GABRG3: variants seen among roughly 807,000 people sequenced by gnomAD.
The protein encoded by GABRG3 is gamma-aminobutyric acid type A receptor subunit gamma3, also known as gamma-aminobutyric acid receptor subunit gamma-3.
In GABRG3, 25 loss-of-function variants were observed where a neutral mutation model predicts 48.8. The observed-to-expected ratio is 0.51, with a 90% CI of 0.37 to 0.72. The LOEUF is 0.72. GABRG3 is among the 30% of genes least tolerant of loss of function. The pLI is 0.00. For missense variants in GABRG3, 394 were observed against 577.9 expected (o/e 0.68, Z 3.26); for synonymous variants, 227 against 217.6 (o/e 1.04, Z -0.38).
intron 2 of GABRG3, among the ~76,000 whole-genome samples, chr15:27,011,040 T>G (rs2140666221): frequency 6.6e-6 from 1 of 152,104 alleles, no homozygotes; most frequent in African/African-American, 2.4e-5. Flanking sequence ...AGAGTCAGGG[T>G]TTTGCCATGT....
At chr15:27,309,792 A>T (rs1216510313) in intron 3 of GABRG3, among the ~76,000 whole-genome samples, 1 of 152,048 alleles carries the variant, frequency 6.6e-6, no homozygotes, top group East Asian at 1.9e-4. Flanking sequence ...TCTAAAATAT[A>T]ACCCAGTGGT....
At chr15:27,005,008 C>T (rs1595467597) in intron 2 of GABRG3, among the ~76,000 whole-genome samples, 1 of 152,084 alleles carries the variant, frequency 6.6e-6, no homozygotes, top group East Asian at 1.9e-4. Flanking sequence ...GCAAGAATAG[C>T]TGGGCCCCTC....
chr15:27,251,043 C>T (rs988035625), intron 3 of GABRG3, among the ~76,000 whole-genome samples: 4 of 152,228 alleles, frequency 2.6e-5, no homozygotes, highest in Non-Finnish European at 5.9e-5. Context: ...GATTTTCCCA[C>T]GCTGATAGCT....
chr15:27,083,892 T>G (rs112187734), intron 3 of GABRG3, among the ~76,000 whole-genome samples: 2 of 152,244 alleles, frequency 1.3e-5, no homozygotes. Context: ...TAAGCCTCCG[T>G]GTTGACATGC....
intron 3 of GABRG3, among the ~76,000 whole-genome samples, chr15:27,233,347 C>G (rs1249097542): frequency 6.6e-6 from 1 of 152,104 alleles, no homozygotes; most frequent in Non-Finnish European, 1.5e-5. Context: ...GCTCAGGATG[C>G]TCTAACAGAA....
intron 3 of GABRG3, among the ~76,000 whole-genome samples, chr15:27,266,533 T>A (rs1890926731): frequency 6.6e-6 from 1 of 152,196 alleles, no homozygotes; most frequent in African/African-American, 2.4e-5. Context: ...TGCTTTGCAT[T>A]CCTACAAAAA....
chr15:27,463,954 T>C (rs1889526832), intron 5 of GABRG3, among the ~76,000 whole-genome samples: 1 of 152,108 alleles, frequency 6.6e-6, no homozygotes, highest in Admixed American at 6.5e-5. Context: ...ATGTCACACA[T>C]GAGCAGCTGT....
At chr15:27,445,618 C>T (rs1245299006) in intron 5 of GABRG3, among the ~76,000 whole-genome samples, 1 of 152,148 alleles carries the variant, frequency 6.6e-6, no homozygotes, top group Admixed American at 6.5e-5. Context: ...CAAACATTTG[C>T]TCCCATTCTG....
At chr15:27,161,943 A>G (rs1314976539) in intron 3 of GABRG3, among the ~76,000 whole-genome samples, 1 of 152,224 alleles carries the variant, frequency 6.6e-6, no homozygotes, top group Non-Finnish European at 1.5e-5. Context: ...CAAAGGAAAC[A>G]AAGATAAAAG....
At chr15:27,341,722 CG>C (rs1334104062) in intron 5 of GABRG3, among the ~76,000 whole-genome samples, 2 of 152,182 alleles carry the variant, frequency 1.3e-5, no homozygotes, top group Non-Finnish European at 2.9e-5. Flanking sequence ...AAGGGGCTCA[CG>C]GCTATTGTTA....
At chr15:27,348,646 CTACTAA>C (rs1380091547) in intron 5 of GABRG3, among the ~76,000 whole-genome samples, 1 of 152,158 alleles carries the variant, frequency 6.6e-6, no homozygotes, top group Non-Finnish European at 1.5e-5. Context: ...TGCAGATAAT[CTACTAA>C]TACTAATACA....
intron 2 of GABRG3, among the ~76,000 whole-genome samples, chr15:26,977,603 A>G (rs1894975730): frequency 6.6e-6 from 1 of 152,138 alleles, no homozygotes; most frequent in South Asian, 2.1e-4. Flanking sequence ...GCTTTTCTTT[A>G]TTCAGCAAAA....
At chr15:27,102,840 C>T (rs1461994400) in intron 3 of GABRG3, among the ~76,000 whole-genome samples, 1 of 152,074 alleles carries the variant, frequency 6.6e-6, no homozygotes, top group Non-Finnish European at 1.5e-5. Context: ...TGTGTTGATA[C>T]TTTTTCTTCC....
intron 6 of GABRG3, among the ~76,000 whole-genome samples, chr15:27,493,377 T>C (rs1244789594): frequency 2.0e-5 from 3 of 152,190 alleles, no homozygotes; most frequent in Non-Finnish European, 4.4e-5. Flanking sequence ...GGTAGATAGC[T>C]TTCAAAATAA....
intron 3 of GABRG3, among the ~76,000 whole-genome samples, chr15:27,250,791 C>A (rs1284056507): frequency 6.6e-6 from 1 of 152,138 alleles, no homozygotes. Flanking sequence ...TTTTCTTAGT[C>A]AATTAAGTCG....
At chr15:26,998,383 CATGCCAGTATATA>C (rs1566904283) in intron 2 of GABRG3, among the ~76,000 whole-genome samples, 1 of 152,282 alleles carries the variant, frequency 6.6e-6, no homozygotes, top group East Asian at 1.9e-4. Context: ...GCAGAATCCC[CATGCCAGTATATA>C]ATGCCAGGGC....
intron 3 of GABRG3, among the ~76,000 whole-genome samples, chr15:27,316,924 C>T (rs1893251442): frequency 6.6e-6 from 1 of 151,662 alleles, no homozygotes; most frequent in African/African-American, 2.4e-5. Context: ...GGAAGATTAA[C>T]AGTCTCAGCA....
At chr15:27,326,122 A>T (rs1038190589) in intron 3 of GABRG3, among the ~76,000 whole-genome samples, 1 of 152,142 alleles carries the variant, frequency 6.6e-6, no homozygotes, top group Non-Finnish European at 1.5e-5. Context: ...ACAAAGTCTT[A>T]CTGGGCACCG....
chr15:27,360,840 T>C (rs575787181), intron 5 of GABRG3, among the ~76,000 whole-genome samples: 1 of 152,316 alleles, frequency 6.6e-6, no homozygotes, highest in South Asian at 2.1e-4. Context: ...GGCTCCCTGA[T>C]GAGTTTGTGG....
Sources: gnomAD v4.1 joint callset for allele counts (sites outside exome capture counted in the v4.1 genomes callset) on GRCh38, gnomAD v4.1.1 for gene constraint, MANE v1.5 for transcripts, NCBI Gene and HGNC (gene_info 2026-07-23, HGNC 2026-07-21) for gene names.